The following RIMS1 variants were observed in gnomAD, a reference collection of about 807,000 sequenced individuals.
The protein encoded by RIMS1 is regulating synaptic membrane exocytosis protein 1.
A neutral mutation model predicts 214.1 loss-of-function variants in RIMS1; 83 were observed. That is an observed-to-expected ratio of 0.39 (90% CI 0.32 to 0.47). The LOEUF is 0.47. RIMS1 is among the 20% of genes least tolerant of loss of function. RIMS1 has a pLI of 0.99. For synonymous variants in RIMS1, 793 were observed against 786.8 expected (o/e 1.01, Z -0.13); for missense variants, 2,050 against 2,161.8 (o/e 0.95, Z 1.03).
At chr6:71,938,799 C>A (rs1785215862) in intron 1 of RIMS1, among the ~76,000 whole-genome samples, 1 of 152,172 alleles carries the variant, frequency 6.6e-6, no homozygotes, top group Admixed American at 6.5e-5. Flanking sequence ...AGGCATAGTA[C>A]CTGGCTTCCT....
At chr6:72,391,318 G>A (rs1032672971) in intron 30 of RIMS1, among the ~76,000 whole-genome samples, 2 of 149,222 alleles carry the variant, frequency 1.3e-5, no homozygotes, top group Non-Finnish European at 3.0e-5. Context: ...AATAGAATAC[G>A]ATTTTTAAAA....
chr6:72,327,272 A>T (rs1382463107), intron 28 of RIMS1, among the ~76,000 whole-genome samples: 4 of 151,866 alleles, frequency 2.6e-5, no homozygotes, highest in African/African-American at 9.6e-5. Context: ...CATATGTGTA[A>T]TTTATAATGT....
chr6:72,035,460 A>AC (rs535869440), intron 2 of RIMS1, among the ~76,000 whole-genome samples: 14 of 151,834 alleles, frequency 9.2e-5, no homozygotes, highest in African/African-American at 3.1e-4. Flanking sequence ...AGGGCATTAG[A>AC]CCCCCCTCCT....
At chr6:72,029,397 T>G (rs1290759791) in intron 2 of RIMS1, among the ~76,000 whole-genome samples, 1 of 152,102 alleles carries the variant, frequency 6.6e-6, no homozygotes, top group Non-Finnish European at 1.5e-5. Flanking sequence ...ATGTAAGAGG[T>G]TGGGCCTTTA....
chr6:72,290,653 G>T lies in RIMS1; in HGVS notation c.3555-26G>T, dbSNP rs552638689. On this transcript the variant is annotated intron_variant, in intron 24 of 33. Coordinates refer to ENST00000521978, the MANE Select transcript of RIMS1 (RefSeq NM_014989.7). ...AGTTAATGTGAACCTGCTGACTGAA[G>T]ATCTTTTTTGGCCCTAATGTTTTAG... 73 of 1,601,978 alleles carry T rather than the reference G, an allele frequency of 4.6e-5. No homozygotes were observed. In the South Asian group the frequency reaches 7.4e-4, roughly 16 times the overall value.
rs895014657 is a variant in RIMS1, at chr6:72,142,182, G to A, written c.472-37393G>A. On this transcript the variant is annotated intron_variant, in intron 4 of 33. Coordinates refer to ENST00000521978, the MANE Select transcript of RIMS1 (RefSeq NM_014989.7). ...AGCCATTTAATATTTTATCTCTTCT[G>A]GCAGAAAAAAAAATCATTGGGTTAA... Among the ~76,000 whole-genome samples the A allele has an allele frequency of 3.3e-4, 50 of 151,358 alleles. 1 individual carries two copies. The highest frequency in any genetic ancestry group is 1.2e-3 in the African/African-American group (49 of 41,222).
chr6:72,236,463 G>A (rs1218788767), intron 8 of RIMS1, among the ~76,000 whole-genome samples: 1 of 152,074 alleles, frequency 6.6e-6, no homozygotes, highest in East Asian at 1.9e-4. Context: ...AAGAGATTAA[G>A]ATCTGATCAA....
intron 1 of RIMS1, among the ~76,000 whole-genome samples, chr6:71,914,679 G>A (rs890962936): frequency 1.3e-5 from 2 of 152,082 alleles, no homozygotes; most frequent in Non-Finnish European, 1.5e-5. Flanking sequence ...CCACCGAATC[G>A]AGAAATCATT....
intron 4 of RIMS1, among the ~76,000 whole-genome samples, chr6:72,138,160 A>G (rs961176279): frequency 6.6e-6 from 1 of 152,196 alleles, no homozygotes; most frequent in African/African-American, 2.4e-5. Context: ...AGGGATATCT[A>G]TGATACATTT....
chr6:72,386,960 T>C (rs1331699385), intron 29 of RIMS1, among the ~76,000 whole-genome samples: 1 of 152,130 alleles, frequency 6.6e-6, no homozygotes, highest in South Asian at 2.1e-4. Context: ...GGTCTCGATC[T>C]CCTGACCTCG....
chr6:72,305,687 T>C (rs1188014556), intron 26 of RIMS1, among the ~76,000 whole-genome samples: 1 of 152,148 alleles, frequency 6.6e-6, no homozygotes, highest in Non-Finnish European at 1.5e-5. Flanking sequence ...TTTAACTCCT[T>C]ATATGTTGCC....
At chr6:72,082,377 T>C (rs776290159) in intron 2 of RIMS1, among the ~76,000 whole-genome samples, 6 of 152,172 alleles carry the variant, frequency 3.9e-5, no homozygotes, top group Non-Finnish European at 8.8e-5. Context: ...GTGCTTTGCA[T>C]ATACATATTA....
At chr6:72,129,708 T>G (rs2040146795) in intron 4 of RIMS1, among the ~76,000 whole-genome samples, 1 of 152,090 alleles carries the variant, frequency 6.6e-6, no homozygotes, top group African/African-American at 2.4e-5. Flanking sequence ...TCTCTTAAAA[T>G]GTATTAAACC....
chr6:71,931,516 C>T (rs1327734581), intron 1 of RIMS1, among the ~76,000 whole-genome samples: 1 of 151,870 alleles, frequency 6.6e-6, no homozygotes, highest in Non-Finnish European at 1.5e-5. Context: ...TACAACATGC[C>T]ACGGATTTTT....
At chr6:72,382,798 A>G (rs943253374) in intron 29 of RIMS1, among the ~76,000 whole-genome samples, 13 of 152,160 alleles carry the variant, frequency 8.5e-5, no homozygotes, top group African/African-American at 2.7e-4. Flanking sequence ...TTGAAATACA[A>G]CTATACAATT....
intron 19 of RIMS1, chr6:72,263,221 A>G: frequency 1.0e-6 from 1 of 985,184 alleles, no homozygotes; most frequent in Non-Finnish European, 1.2e-6. Flanking sequence ...TTCTAAAGAA[A>G]TCTGTATGTT....
chr6:71,899,610 A>G (rs749138238), intron 1 of RIMS1, among the ~76,000 whole-genome samples: 9 of 152,116 alleles, frequency 5.9e-5, no homozygotes, highest in Non-Finnish European at 1.3e-4. Context: ...AAGGAAGTTA[A>G]TTCTATCTAA....
intron 2 of RIMS1, among the ~76,000 whole-genome samples, chr6:72,012,535 T>C (rs1432940536): frequency 6.6e-6 from 1 of 152,000 alleles, no homozygotes; most frequent in African/African-American, 2.4e-5. Flanking sequence ...AACTAGTCAT[T>C]AAAAACAAAT....
chr6:72,315,192 C>CA (rs1313552854), intron 28 of RIMS1, among the ~76,000 whole-genome samples: 1 of 152,110 alleles, frequency 6.6e-6, no homozygotes, highest in Non-Finnish European at 1.5e-5. Flanking sequence ...AACAAATCAG[C>CA]ATGGACTATA....
Sources: allele counts gnomAD v4.1 joint callset (sites outside exome capture counted in the v4.1 genomes callset), GRCh38; gene constraint gnomAD v4.1.1; transcripts MANE v1.5; gene names NCBI Gene and HGNC (gene_info 2026-07-23, HGNC 2026-07-21).